RALGAPA1: variants seen among roughly 807,000 people sequenced by gnomAD.
RALGAPA1 encodes Ral GTPase activating protein catalytic subunit alpha 1, also known as ral GTPase-activating protein subunit alpha-1.
RALGAPA1 carries 52 observed loss-of-function variants against 269.6 expected under a neutral mutation model. The ratio of observed to expected loss-of-function variants is 0.19; its 90% CI spans 0.15 to 0.24. The LOEUF is 0.24. Among genes scored for constraint, RALGAPA1 ranks in the 10% least tolerant of loss-of-function variants. The pLI, the probability that RALGAPA1 is intolerant of heterozygous loss-of-function variation, is 1.00. For missense variants in RALGAPA1, 1,917 were observed against 3,013.9 expected, an observed-to-expected ratio of 0.64 and a Z score of 8.52; for synonymous variants, 817 against 1,008.3, an observed-to-expected ratio of 0.81 and a Z score of 3.60.
At chr14:35,542,131 A>T (rs2054066406) in intron 41 of RALGAPA1, 1 of 558,416 alleles carries the variant, frequency 1.8e-6, no homozygotes, top group Admixed American at 3.4e-5. Flanking sequence ...TACTGTTGGC[A>T]TGTTATCCTA....
intron 37 of RALGAPA1, among the ~76,000 whole-genome samples, chr14:35,580,329 T>C (rs897719305): frequency 2.0e-5 from 3 of 152,232 alleles, no homozygotes; most frequent in African/African-American, 7.2e-5. Context: ...GAGGCTCCTA[T>C]GAACACTTTA....
At chr14:35,790,146 C>T (rs1315924591) in intron 1 of RALGAPA1, among the ~76,000 whole-genome samples, 1 of 151,286 alleles carries the variant, frequency 6.6e-6, no homozygotes, top group African/African-American at 2.4e-5. Context: ...CCAGTTACTC[C>T]AAAGGCTGAG....
At chr14:35,753,942 T>C (rs2141282694) in intron 7 of RALGAPA1, among the ~76,000 whole-genome samples, 1 of 152,236 alleles carries the variant, frequency 6.6e-6, no homozygotes, top group Non-Finnish European at 1.5e-5. Flanking sequence ...GAAATTTCTG[T>C]AAGAAAGGGG....
chr14:35,637,933 G>GA (rs1185082781), intron 31 of RALGAPA1, among the ~76,000 whole-genome samples: 18 of 151,932 alleles, frequency 1.2e-4, no homozygotes, highest in Non-Finnish European at 1.8e-4. Flanking sequence ...AGTGCTAAAG[G>GA]AAAAAAAACT....
chr14:35,606,606 G>A lies in RALGAPA1; in HGVS notation c.6930-897C>T, dbSNP rs555343036. 1.2e-4 allele frequency among the ~76,000 whole-genome samples: 19 copies of A among 152,090 alleles called. No homozygotes were observed. The South Asian group carries it at 3.5e-3, about 28-fold the overall frequency. On this transcript the variant is annotated intron_variant, in intron 35 of 41. Coordinates refer to ENST00000680220, the MANE Select transcript of RALGAPA1 (RefSeq NM_001346249.2). ...TCTAAAATTAAAAATGTTTATAAAAGCACATTTCTTGTTTGAAATTTAGCT... is the reference window on the plus strand; with the variant it reads ...TCTAAAATTAAAAATGTTTATAAAAACACATTTCTTGTTTGAAATTTAGCT...
At chr14:35,558,195 T>C (rs1288658681) in intron 39 of RALGAPA1, among the ~76,000 whole-genome samples, 1 of 152,216 alleles carries the variant, frequency 6.6e-6, no homozygotes, top group Non-Finnish European at 1.5e-5. Context: ...AGTTATGAGC[T>C]ACTCACTTAA....
At chr14:35,585,195 A>G (rs1669669218) in intron 37 of RALGAPA1, among the ~76,000 whole-genome samples, 1 of 152,236 alleles carries the variant, frequency 6.6e-6, no homozygotes, top group South Asian at 2.1e-4. Context: ...ACATAACTTC[A>G]AACTCACAAG....
intron 13 of RALGAPA1, among the ~76,000 whole-genome samples, chr14:35,726,562 T>C (rs1458083106): frequency 6.6e-6 from 1 of 152,074 alleles, no homozygotes; most frequent in Non-Finnish European, 1.5e-5. Flanking sequence ...TCAAGGCAGG[T>C]GGATCGCTTC....
At chr14:35,539,788 T>G in intron 41 of RALGAPA1, 98 bp from the exon 42 acceptor site, 1 of 1,513,412 alleles carries the variant, frequency 6.6e-7, no homozygotes, top group Non-Finnish European at 8.9e-7. Context: ...ATCCCATCCC[T>G]TAATAAGATC....
At position 35,651,795 on chromosome 14, in the gene RALGAPA1, T is replaced by C. The variant is rs1366636488; in HGVS notation, c.5676+10A>G. 1.9e-6 allele frequency: 3 copies of C among 1,582,540 alleles called. No individual in the cohort carries two copies. Among genetic ancestry groups the C allele is most frequent in the Non-Finnish European group, 2.6e-6 (3 of 1,170,030 alleles). ...ACCACATACTAATCATCAAACAAAA[T>C]TTAAATTACCCTCTTGTCCATTTCA... On this transcript the variant is annotated intron_variant, in intron 31 of 41. Transcript: ENST00000680220.
At chr14:35,653,572 G>A (rs576847213) in intron 30 of RALGAPA1, among the ~76,000 whole-genome samples, 1 of 152,202 alleles carries the variant, frequency 6.6e-6, no homozygotes, top group Admixed American at 6.5e-5. Context: ...AAACCAGTTG[G>A]GTTCTCCTGT....
At chr14:35,633,118 A>C (rs1180478976) in intron 33 of RALGAPA1, among the ~76,000 whole-genome samples, 1 of 152,152 alleles carries the variant, frequency 6.6e-6, no homozygotes, top group Non-Finnish European at 1.5e-5. Flanking sequence ...TGGCACAGTA[A>C]ATTTTGTACA....
chr14:35,783,634 C>G (rs4981305), intron 1 of RALGAPA1, among the ~76,000 whole-genome samples: 17,649 of 152,042 alleles, frequency 0.12, 1,123 homozygotes, highest in South Asian at 0.14. Flanking sequence ...AGAAAATAAC[C>G]TACAGAATGC....
At chr14:35,580,031 C>T (rs1027652378) in intron 37 of RALGAPA1, among the ~76,000 whole-genome samples, 3 of 152,132 alleles carry the variant, frequency 2.0e-5, no homozygotes, top group Non-Finnish European at 4.4e-5. Context: ...GACCAAGCAG[C>T]ACTACAAGGT....
At chr14:35,753,479 A>G (rs2072907845) in intron 7 of RALGAPA1, among the ~76,000 whole-genome samples, 2 of 152,210 alleles carry the variant, frequency 1.3e-5, no homozygotes, top group African/African-American at 4.8e-5. Context: ...AAAATACTGT[A>G]TATGTATACA....
intron 1 of RALGAPA1, among the ~76,000 whole-genome samples, chr14:35,807,263 A>T (rs961613404): frequency 5.9e-5 from 9 of 152,200 alleles, no homozygotes; most frequent in South Asian, 2.1e-4. Flanking sequence ...TTCACACATT[A>T]ACTTACTGTG....
intron 15 of RALGAPA1, among the ~76,000 whole-genome samples, chr14:35,722,613 GAA>G (rs534894396): frequency 8.8e-6 from 1 of 114,064 alleles, no homozygotes; most frequent in Non-Finnish European, 1.9e-5. Flanking sequence ...CCCTGTCTCA[GAA>G]AAAAAAAAAA....
chr14:35,728,735 CTT>C (rs755979931), intron 12 of RALGAPA1, among the ~76,000 whole-genome samples: 5 of 141,458 alleles, frequency 3.5e-5, no homozygotes, highest in African/African-American at 2.6e-5. Flanking sequence ...GTATTTCTTT[CTT>C]TTTTTTTTTT....
In RALGAPA1 at chr14:35,658,674, CAT is replaced by C. The variant is rs555814355; in HGVS notation, c.5387+462_5387+463del. ...TTTAGAAAAAAATCTAAAACTATGA[CAT>C]ATTCTATTTTTAAAAATCTTGATCA... On this transcript the variant is annotated intron_variant, in intron 28 of 41. Coordinates refer to ENST00000680220, the MANE Select transcript of RALGAPA1 (RefSeq NM_001346249.2). Among the ~76,000 whole-genome samples the C allele has an allele frequency of 2.8e-3, 422 of 151,622 alleles. 2 individuals are homozygous for C. The highest frequency in any genetic ancestry group is 9.6e-3 in the African/African-American group (400 of 41,482).
Sources: gnomAD v4.1 joint callset for allele counts (sites outside exome capture counted in the v4.1 genomes callset) on GRCh38, gnomAD v4.1.1 for gene constraint, MANE v1.5 for transcripts, NCBI Gene and HGNC (gene_info 2026-07-23, HGNC 2026-07-21) for gene names.